Variants in HMOX2 observed in about 807,000 individuals in gnomAD.
HMOX2 encodes heme oxygenase 2.
Under a neutral mutation model 33.7 loss-of-function variants are expected in HMOX2, and 30 were observed. The ratio of observed to expected loss-of-function variants is 0.89; its 90% confidence interval spans 0.67 to 1.21. HMOX2 has a LOEUF of 1.21. Ranked by LOEUF, HMOX2 falls within the 50% of genes most tolerant of loss-of-function variation. HMOX2 has a pLI of 0.00. For missense variants in HMOX2, 403 were observed against 399.1 expected (o/e 1.01, Z -0.08); for synonymous variants, 155 against 155.0 (o/e 1.00, Z 0.00).
chr16:4,498,798 C>A (rs2058486697), intron 1 of HMOX2, among the ~76,000 whole-genome samples: 1 of 152,192 alleles, frequency 6.6e-6, no homozygotes, highest in Non-Finnish European at 1.5e-5. Context: ...AATGGTAGTA[C>A]CAGAGTTCAG....
rs568170550 is a variant in HMOX2, at chr16:4,509,815, C to A, written c.*59C>A. On this transcript the variant is annotated 3_prime_UTR_variant, in exon 6 of 6. Transcript: ENST00000570646. ...CGACTGACCACTGGCCTACCCCTTT[C>A]TCCAGCCCTGACTAAACTACCACCT... 5 of 1,551,778 alleles carry A rather than the reference C, an allele frequency of 3.2e-6. No homozygotes were observed. The African/African-American group carries it at 6.8e-5, about 21-fold the overall frequency.
intron 1 of HMOX2, among the ~76,000 whole-genome samples, chr16:4,490,879 T>C (rs2058288455): frequency 6.6e-6 from 1 of 152,234 alleles, no homozygotes; most frequent in Non-Finnish European, 1.5e-5. Flanking sequence ...GTTAGTGCTG[T>C]TGACATTTTG....
chr16:4,479,886 A>G (rs991282898), intron 1 of HMOX2, among the ~76,000 whole-genome samples: 4 of 150,642 alleles, frequency 2.7e-5, no homozygotes, highest in African/African-American at 9.8e-5. Flanking sequence ...TTACAGGCGT[A>G]TGCCACCATG....
chr16:4,480,363 T>TTC (rs1555495682), intron 1 of HMOX2, among the ~76,000 whole-genome samples: 1 of 148,850 alleles, frequency 6.7e-6, no homozygotes, highest in African/African-American at 2.5e-5. Context: ...TTTTTTTTTT[T>TTC]CCTTAGAGTC....
At chr16:4,495,216 T>G (rs144109609) in intron 1 of HMOX2, among the ~76,000 whole-genome samples, 1 of 152,328 alleles carries the variant, frequency 6.6e-6, no homozygotes, top group Non-Finnish European at 1.5e-5. Flanking sequence ...TTAGGCACTC[T>G]TGGTGCCTTG....
At chr16:4,504,246 G>C (rs2058631469) in intron 1 of HMOX2, among the ~76,000 whole-genome samples, 1 of 152,138 alleles carries the variant, frequency 6.6e-6, no homozygotes, top group South Asian at 2.1e-4. Context: ...TCACAGGTAG[G>C]ATGAACTGGC....
At chr16:4,487,017 T>G (rs879445865) in intron 1 of HMOX2, among the ~76,000 whole-genome samples, 1 of 152,166 alleles carries the variant, frequency 6.6e-6, no homozygotes, top group Non-Finnish European at 1.5e-5. Flanking sequence ...CCCAGTACTT[T>G]GGGAGGCCAA....
intron 1 of HMOX2, among the ~76,000 whole-genome samples, chr16:4,478,338 A>T (rs1355291339): frequency 6.6e-6 from 1 of 152,182 alleles, no homozygotes; most frequent in Non-Finnish European, 1.5e-5. Flanking sequence ...AGCTAGAGCT[A>T]CCTTGATTTT....
chr16:4,489,565 A>G (rs550092612), intron 1 of HMOX2, among the ~76,000 whole-genome samples: 1 of 151,734 alleles, frequency 6.6e-6, no homozygotes, highest in South Asian at 2.1e-4. Flanking sequence ...GTCAAGTGAT[A>G]CTCCTACCTC....
intron 1 of HMOX2, among the ~76,000 whole-genome samples, chr16:4,491,446 T>C (rs1185683257): frequency 3.9e-5 from 6 of 152,054 alleles, no homozygotes; most frequent in African/African-American, 1.4e-4. Flanking sequence ...GTTCAGGAGT[T>C]CAACACTCGC....
chr16:4,492,385 G>A (rs1181780749), intron 1 of HMOX2, among the ~76,000 whole-genome samples: 2 of 151,920 alleles, frequency 1.3e-5, no homozygotes, highest in Admixed American at 6.6e-5. Flanking sequence ...CAGACTTTGA[G>A]TTGAGGTTCG....
At chr16:4,479,498 C>T (rs2141504725) in intron 1 of HMOX2, 1 of 152,142 alleles carries the variant, frequency 6.6e-6, no homozygotes, top group Non-Finnish European at 1.5e-5. Flanking sequence ...TGATTGTTGT[C>T]TGGTGAACTG....
chr16:4,497,469 A>G (rs2058450244), intron 1 of HMOX2, among the ~76,000 whole-genome samples: 1 of 152,176 alleles, frequency 6.6e-6, no homozygotes, highest in South Asian at 2.1e-4. Context: ...CCTGGGACAC[A>G]TTGTCCTCAT....
intron 1 of HMOX2, among the ~76,000 whole-genome samples, chr16:4,497,994 G>T (rs533119297): frequency 4.0e-5 from 6 of 150,962 alleles, no homozygotes; most frequent in African/African-American, 1.5e-4. Context: ...ATGCGCAAGT[G>T]CTTATTTAGT....
At chr16:4,504,887 A>G (rs1368879731) in intron 1 of HMOX2, among the ~76,000 whole-genome samples, 1 of 149,364 alleles carries the variant, frequency 6.7e-6, no homozygotes, top group East Asian at 2.0e-4. Flanking sequence ...ACAGGGTTTC[A>G]CCATGTTAAC....
At chr16:4,506,167 G>A (rs1408782883) in intron 2 of HMOX2, among the ~76,000 whole-genome samples, 1 of 152,142 alleles carries the variant, frequency 6.6e-6, no homozygotes, top group Non-Finnish European at 1.5e-5. Flanking sequence ...GACAGCAGAA[G>A]CCAGACCATG....
intron 1 of HMOX2, among the ~76,000 whole-genome samples, chr16:4,484,503 C>G (rs1396814051): frequency 2.0e-5 from 3 of 148,650 alleles, no homozygotes; most frequent in South Asian, 2.1e-4. Context: ...CACTGTCACC[C>G]AGGCTGGAGT....
chr16:4,499,013 G>T (rs1185139597), intron 1 of HMOX2, among the ~76,000 whole-genome samples: 1 of 152,212 alleles, frequency 6.6e-6, no homozygotes, highest in East Asian at 1.9e-4. Flanking sequence ...GTGCTCACGT[G>T]GCTCACCTTA....
At chr16:4,509,377 C>A (rs1487062254) in intron 4 of HMOX2, 35 bp from the exon 5 acceptor site, 3 of 1,603,646 alleles carry the variant, frequency 1.9e-6, no homozygotes, top group Non-Finnish European at 1.7e-6. Context: ...TATGGGCAGC[C>A]CAAAGATGGC....
Sources: gnomAD v4.1 joint callset for allele counts (sites outside exome capture counted in the v4.1 genomes callset) on GRCh38, gnomAD v4.1.1 for gene constraint, MANE v1.5 for transcripts, NCBI Gene and HGNC (gene_info 2026-07-23, HGNC 2026-07-21) for gene names.